CECR2: variants seen among roughly 807,000 people sequenced by gnomAD.
The protein encoded by CECR2 is CECR2 histone acetyl-lysine reader, also known as chromatin remodeling regulator CECR2.
In CECR2, 30 loss-of-function variants were observed where a neutral mutation model predicts 154.5. The ratio of observed to expected loss-of-function variants is 0.19; its 90% confidence interval spans 0.15 to 0.26. The LOEUF (loss-of-function observed/expected upper bound fraction) is 0.26. CECR2 is among the 10% of genes least tolerant of loss of function. The pLI, the probability that CECR2 is intolerant of heterozygous loss-of-function variation, is 1.00. For synonymous variants in CECR2, 725 were observed against 683.7 expected (o/e 1.06, Z -0.94); for missense variants, 1,743 against 1,829.3 (o/e 0.95, Z 0.86).
intron 1 of CECR2, among the ~76,000 whole-genome samples, chr22:17,403,521 A>G (rs1287799615): frequency 1.3e-5 from 2 of 152,202 alleles, no homozygotes; most frequent in African/African-American, 4.8e-5. Flanking sequence ...TTTCAACAGT[A>G]GTGAATAAGG....
chr22:17,394,815 TCAA>T (rs754360519), intron 1 of CECR2, among the ~76,000 whole-genome samples: 74 of 152,360 alleles, frequency 4.9e-4, no homozygotes, highest in Admixed American at 1.3e-3. Context: ...TTGATTTCTT[TCAA>T]CAATGTTTTA....
Position 17,471,691 on chromosome 22 carries a change from A to T in CECR2, c.127-5897A>T, listed in dbSNP as rs1160120952. On this transcript the variant is annotated intron_variant, in intron 1 of 18. Transcript: ENST00000262608. ...GTTGGGATTACAGGCACCCGCCACC[A>T]CTCCTGGCTAATATTTGCATTTTAG... 3.3e-5 allele frequency among the ~76,000 whole-genome samples: 5 copies of T among 151,172 alleles called. No homozygotes were observed. The East Asian group carries it at 9.7e-4, about 29-fold the overall frequency.
chr22:17,363,982 A>T (rs1300304775), intron 1 of CECR2, among the ~76,000 whole-genome samples: 1 of 152,014 alleles, frequency 6.6e-6, no homozygotes, highest in Non-Finnish European at 1.5e-5. Context: ...CCTCTTTGGG[A>T]ATAGGGAGTT....
intron 1 of CECR2, chr22:17,360,074 T>C (rs2062968158): frequency 6.6e-6 from 1 of 151,880 alleles, no homozygotes; most frequent in Non-Finnish European, 1.5e-5. Flanking sequence ...CTGATAACAA[T>C]ACAAGGGAAA....
chr22:17,363,083 T>A (rs1391531999), intron 1 of CECR2, among the ~76,000 whole-genome samples: 4 of 150,772 alleles, frequency 2.7e-5, no homozygotes, highest in Non-Finnish European at 4.4e-5. Context: ...AGAGTCTTGC[T>A]CTGTTGCCTA....
chr22:17,454,905 G>A (rs1473044999), intron 1 of CECR2, among the ~76,000 whole-genome samples: 6 of 151,976 alleles, frequency 3.9e-5, no homozygotes, highest in Non-Finnish European at 7.4e-5. Context: ...CTGCAGAAAG[G>A]GTACACTCAC....
At chr22:17,400,289 TG>T (rs1311252784) in intron 1 of CECR2, among the ~76,000 whole-genome samples, 1 of 152,198 alleles carries the variant, frequency 6.6e-6, no homozygotes, top group Non-Finnish European at 1.5e-5. Flanking sequence ...ATGAAGTGAC[TG>T]AAGAAGAGGA....
At chr22:17,402,789 C>G (rs529611965) in intron 1 of CECR2, among the ~76,000 whole-genome samples, 1 of 129,390 alleles carries the variant, frequency 7.7e-6, no homozygotes, top group East Asian at 2.4e-4. Flanking sequence ...CGTAGTTTCA[C>G]TCTTGTTGCC....
rs770937455 is a variant in CECR2 at position 17,458,261 on chromosome 22, A to G, written c.127-19327A>G. ...GAAACCCCATCTCTACTAAAAATAC[A>G]AAAATTAGCCAGGTGTGGTGGCGGG... On this transcript the variant is annotated intron_variant, in intron 1 of 18. Coordinates refer to ENST00000262608, the MANE Select transcript of CECR2 (RefSeq NM_001290047.2). 3.0e-4 allele frequency among the ~76,000 whole-genome samples: 46 copies of G among 152,162 alleles called. 1 individual carries two copies. The highest frequency in any genetic ancestry group is 3.4e-3 in the Middle Eastern group (1 of 294).
chr22:17,521,135 A>T (rs1282267234), intron 8 of CECR2, among the ~76,000 whole-genome samples: 1 of 152,220 alleles, frequency 6.6e-6, no homozygotes, highest in African/African-American at 2.4e-5. Flanking sequence ...TCGCCATTCT[A>T]ACTGGCGTGA....
intron 11 of CECR2, 36 bp downstream of exon 11, chr22:17,538,593 G>A (rs760484111): frequency 6.2e-7 from 1 of 1,613,578 alleles, no homozygotes; most frequent in East Asian, 2.2e-5. Context: ...GTTTGTGATA[G>A]AAGTTTTCCT....
chr22:17,417,565 C>T (rs534442796), intron 1 of CECR2, among the ~76,000 whole-genome samples: 2 of 152,120 alleles, frequency 1.3e-5, no homozygotes, highest in Admixed American at 6.6e-5. Flanking sequence ...GCCATTCACA[C>T]GAGCAGCTGG....
rs748483742 is a variant in CECR2, at chr22:17,497,463, A to AG, written c.285dup (p.Lys96GlufsTer27). 6.2e-7 allele frequency: 1 copy of AG among 1,614,000 alleles called. No homozygotes were observed. Among genetic ancestry groups the AG allele is most frequent in the Admixed American group, 1.7e-5 (1 of 60,004 alleles). ...TCAACTACCGCTGGGAGCTCGAAGA[A>AG]GGGAAGCCCAACCCTCTGAGGGAAG... On this transcript the variant is annotated frameshift_variant, in exon 3 of 19. Coordinates refer to ENST00000262608, the MANE Select transcript of CECR2 (RefSeq NM_001290047.2). LOFTEE classifies it high-confidence loss of function.
At chr22:17,430,598 T>G (rs2054406515) in intron 1 of CECR2, among the ~76,000 whole-genome samples, 1 of 152,220 alleles carries the variant, frequency 6.6e-6, no homozygotes, top group Admixed American at 6.5e-5. Flanking sequence ...TAGACTGCCC[T>G]GTCAGATTGT....
At chr22:17,483,513 G>A (rs1195880086) in intron 2 of CECR2, among the ~76,000 whole-genome samples, 1 of 152,176 alleles carries the variant, frequency 6.6e-6, no homozygotes, top group Non-Finnish European at 1.5e-5. Flanking sequence ...AAGCTACTAG[G>A]GAGGTTGAGG....
intron 1 of CECR2, among the ~76,000 whole-genome samples, chr22:17,409,233 A>G (rs1346101825): frequency 1.5e-5 from 2 of 132,116 alleles, no homozygotes; most frequent in African/African-American, 5.4e-5. Context: ...CGCGGGTTCA[A>G]GCGATTCGCG....
At chr22:17,456,063 A>G (rs757720500) in intron 1 of CECR2, among the ~76,000 whole-genome samples, 1 of 152,204 alleles carries the variant, frequency 6.6e-6, no homozygotes, top group Non-Finnish European at 1.5e-5. Flanking sequence ...TATTTTAAAT[A>G]TTTAACTATT....
chr22:17,525,155 C>T (rs2056237193), intron 9 of CECR2, among the ~76,000 whole-genome samples: 1 of 150,088 alleles, frequency 6.7e-6, no homozygotes, highest in Admixed American at 6.6e-5. Flanking sequence ...CGTGGTGGGG[C>T]ATGCCTGTAA....
At chr22:17,365,998 A>T (rs1021846642), upstream of CECR2, among the ~76,000 whole-genome samples, 1 of 152,210 alleles carries the variant, frequency 6.6e-6, no homozygotes, top group Non-Finnish European at 1.5e-5. Context: ...AGCAAAACAG[A>T]AAAACCAAAC....
Sources: gnomAD v4.1 joint callset for allele counts (sites outside exome capture counted in the v4.1 genomes callset) on GRCh38, gnomAD v4.1.1 for gene constraint, MANE v1.5 for transcripts, NCBI Gene and HGNC (gene_info 2026-07-23, HGNC 2026-07-21) for gene names.